Variants in TNFSF13B observed in about 807,000 individuals in gnomAD.
TNFSF13B encodes TNF superfamily member 13b.
Under a neutral mutation model 29.1 loss-of-function variants are expected in TNFSF13B, and 8 were observed. The observed-to-expected ratio is 0.27, with a 90% CI of 0.16 to 0.50. The LOEUF (loss-of-function observed/expected upper bound fraction) is 0.50. Ranked by LOEUF, TNFSF13B falls within the 20% of genes least tolerant of loss-of-function variation. TNFSF13B has a pLI of 0.98. For synonymous variants in TNFSF13B, 125 were observed against 130.8 expected (o/e 0.96, Z 0.30); for missense variants, 248 against 334.9 (o/e 0.74, Z 2.03).
intron 2 of TNFSF13B, among the ~76,000 whole-genome samples, chr13:108,278,611 CCTTCT>C (rs1168498317): frequency 7.4e-6 from 1 of 136,008 alleles, no homozygotes; most frequent in Non-Finnish European, 1.6e-5. Flanking sequence ...CTCCTCCTCC[CCTTCT>C]CTTCCTCCTC....
chr13:108,297,270 C>T (rs928441772), intron 3 of TNFSF13B, among the ~76,000 whole-genome samples: 1 of 145,772 alleles, frequency 6.9e-6, no homozygotes. Context: ...TGTAATTCCC[C>T]TGGCTTCTGG....
intron 2 of TNFSF13B, among the ~76,000 whole-genome samples, chr13:108,272,336 T>C (rs1209939476): frequency 2.0e-5 from 3 of 152,122 alleles, no homozygotes; most frequent in Non-Finnish European, 2.9e-5. Flanking sequence ...CAGTTTTGCT[T>C]CTTTTTTTAC....
intron 4 of TNFSF13B, 43 bp downstream of exon 4, chr13:108,303,408 C>G: frequency 1.2e-6 from 2 of 1,609,256 alleles, no homozygotes; most frequent in South Asian, 2.2e-5. Context: ...TCAAAGCCTC[C>G]CATTTTGTGT....
intron 5 of TNFSF13B, 77 bp from the exon 6 acceptor site, chr13:108,306,749 C>T: frequency 7.1e-6 from 6 of 843,758 alleles, no homozygotes; most frequent in Admixed American, 2.6e-5. Context: ...TTTTACAGAA[C>T]AAAATAGTTT....
At chr13:108,272,726 A>AT (rs1329274541) in intron 2 of TNFSF13B, among the ~76,000 whole-genome samples, 2 of 152,046 alleles carry the variant, frequency 1.3e-5, no homozygotes, top group Non-Finnish European at 2.9e-5. Flanking sequence ...TTTAAAGAAT[A>AT]TTTTTAAGGT....
At chr13:108,273,067 A>G (rs1184743403) in intron 2 of TNFSF13B, among the ~76,000 whole-genome samples, 2 of 152,120 alleles carry the variant, frequency 1.3e-5, no homozygotes, top group African/African-American at 4.8e-5. Flanking sequence ...AAAGTGAAAA[A>G]AAATTTGCCC....
chr13:108,307,099 A>G lies in TNFSF13B; in HGVS notation c.*161A>G, dbSNP rs1594537891. The G allele has an allele frequency of 1.8e-6, 1 of 542,278 alleles. No individual in the cohort carries two copies. The highest frequency in any genetic ancestry group is 3.2e-6 in the Non-Finnish European group (1 of 315,056). The allele number at this position is 542,278 out of a possible 1,614,324, so 33.6% of individuals were successfully genotyped here. A position where few individuals can be genotyped will look rare whatever the true frequency, so the allele number is the denominator to read the frequency against. ...CTATTTGTTTTGGTTTGCTGAAACTAGTCCAAAACAGGAAATTTAACAGAC... is the reference window on the plus strand; with the variant it reads ...CTATTTGTTTTGGTTTGCTGAAACTGGTCCAAAACAGGAAATTTAACAGAC... On this transcript the variant is annotated 3_prime_UTR_variant, in exon 6 of 6. Coordinates refer to ENST00000375887, the MANE Select transcript of TNFSF13B (RefSeq NM_006573.5).
At chr13:108,291,370 A>T (rs908480362) in intron 3 of TNFSF13B, among the ~76,000 whole-genome samples, 7 of 151,786 alleles carry the variant, frequency 4.6e-5, no homozygotes, top group Non-Finnish European at 1.0e-4. Context: ...AACATGATAT[A>T]TATTTATATT....
chr13:108,281,992 C>T (rs1190084789), intron 2 of TNFSF13B, among the ~76,000 whole-genome samples: 1 of 152,040 alleles, frequency 6.6e-6, no homozygotes, highest in African/African-American at 2.4e-5. Flanking sequence ...TAAACAGCTA[C>T]ATTTGTCATA....
At position 108,303,587 on chromosome 13, in the gene TNFSF13B, A is replaced by G; in HGVS notation, c.728A>G (p.Asn243Ser). ...AATATGCCTGAAACACTACCCAATA[A>G]TTCCTGCTATTCAGCTGGTAAATAT... Reference protein sequence around the residue: ...IQNMPETLPNNSCYSAGIAKL... With the variant: ...IQNMPETLPNSSCYSAGIAKL... Residue 243 changes from asparagine to serine, a missense_variant, in exon 5 of 6, where the codon AAT (asparagine) becomes AGT (serine). This residue lies in a region of TNFSF13B where 62 missense variants were observed against 138.6 expected (regional missense o/e 0.45). Coordinates refer to ENST00000375887, the MANE Select transcript of TNFSF13B (RefSeq NM_006573.5). 1 of 1,612,630 alleles carries G rather than the reference A, an allele frequency of 6.2e-7. No homozygotes were observed. The highest frequency in any genetic ancestry group is 2.2e-5 in the East Asian group (1 of 44,846).
chr13:108,271,489 C>T (rs12869509), intron 2 of TNFSF13B, among the ~76,000 whole-genome samples: 3 of 142,306 alleles, frequency 2.1e-5, no homozygotes, highest in Admixed American at 7.2e-5. Context: ...CACACACACA[C>T]GCATGAGGTA....
chr13:108,276,695 A>G (rs1156951036), intron 2 of TNFSF13B, among the ~76,000 whole-genome samples: 1 of 152,152 alleles, frequency 6.6e-6, no homozygotes, highest in Non-Finnish European at 1.5e-5. Flanking sequence ...TTCATTTTGA[A>G]TGGAGAGGCC....
chr13:108,291,307 T>A (rs983943656), intron 3 of TNFSF13B, among the ~76,000 whole-genome samples: 3 of 151,920 alleles, frequency 2.0e-5, no homozygotes, highest in African/African-American at 7.2e-5. Context: ...ATCTCATATT[T>A]ATAAATTAAG....
chr13:108,273,891 G>A (rs1291654757), intron 2 of TNFSF13B, among the ~76,000 whole-genome samples: 1 of 151,968 alleles, frequency 6.6e-6, no homozygotes, highest in Non-Finnish European at 1.5e-5. Context: ...CCTTGTATGT[G>A]GATTTTCTTC....
intron 2 of TNFSF13B, among the ~76,000 whole-genome samples, chr13:108,279,478 TA>T (rs990382594): frequency 2.0e-5 from 3 of 152,212 alleles, no homozygotes; most frequent in Non-Finnish European, 4.4e-5. Flanking sequence ...ACAGCAGACA[TA>T]CAGTCATGGA....
At chr13:108,274,382 C>T (rs201008340) in intron 2 of TNFSF13B, among the ~76,000 whole-genome samples, 2 of 139,200 alleles carry the variant, frequency 1.4e-5, no homozygotes, top group Non-Finnish European at 3.2e-5. Context: ...TATATATATA[C>T]ATATATATAC....
At chr13:108,284,331 AAAATAAATAAAT>A (rs200100764) in intron 2 of TNFSF13B, among the ~76,000 whole-genome samples, 2 of 140,370 alleles carry the variant, frequency 1.4e-5, no homozygotes, top group African/African-American at 5.0e-5. Flanking sequence ...TCCGTCTCAA[AAAATAAATAAAT>A]AAATAAATAA....
At chr13:108,295,767 C>T (rs1881445292) in intron 3 of TNFSF13B, among the ~76,000 whole-genome samples, 1 of 144,998 alleles carries the variant, frequency 6.9e-6, no homozygotes, top group Non-Finnish European at 1.5e-5. Context: ...TTTCTATTTT[C>T]TTCTAGGATT....
At position 108,307,877 on chromosome 13, in the gene TNFSF13B, C is replaced by T. The variant is rs1881824074; in HGVS notation, c.*939C>T. ...TATCCCAACCTTTAAAAATATTCCT[C>T]TTATTAGCTTTATATTCACTTTATA... On this transcript the variant is annotated 3_prime_UTR_variant, in exon 6 of 6. Transcript: ENST00000375887. 6.6e-6 allele frequency: 1 copy of T among 151,990 alleles called. No homozygotes were observed. 9.4% of individuals were successfully genotyped at this position (151,990 alleles called of 1,614,324 possible). A position where few individuals can be genotyped will look rare whatever the true frequency, so the allele number is the denominator to read the frequency against.
Sources: allele counts gnomAD v4.1 joint callset (sites outside exome capture counted in the v4.1 genomes callset), GRCh38; gene constraint gnomAD v4.1.1; regional missense constraint gnomAD v4.1.1; transcripts MANE v1.5; gene names NCBI Gene and HGNC (gene_info 2026-07-23, HGNC 2026-07-21).